The following RNF40 variants were observed in gnomAD, a reference collection of about 807,000 sequenced individuals.
RNF40 encodes E3 ubiquitin-protein ligase BRE1B.
A neutral mutation model predicts 123.3 loss-of-function variants in RNF40; 39 were observed. The ratio of observed to expected loss-of-function variants is 0.32; its 90% CI spans 0.24 to 0.41. RNF40 has a LOEUF of 0.41. Among genes scored for constraint, RNF40 ranks in the 10% least tolerant of loss-of-function variants. RNF40 has a pLI of 1.00. For synonymous variants in RNF40, 538 were observed against 526.0 expected (o/e 1.02, Z -0.31); for missense variants, 1,003 against 1,319.9 (o/e 0.76, Z 3.72).
rs754564697 is a variant in RNF40, at chr16:30,765,014, C to T, written c.726C>T (p.Asp242=). The change falls in exon 6 of 20, where the codon GAC becomes GAT. Residue 242 remains aspartate, a synonymous_variant. Transcript: ENST00000324685. ...ELGRENRRLQ[D]LATQLQEKHH... is the part of the protein sequence containing the mutation. ...GCCGTGAGAACCGGCGACTGCAGGA[C>T]TTGGCCACTCAGCTGCAGGAGAAAC... The T allele has an allele frequency of 1.9e-6, 3 of 1,613,986 alleles. No homozygotes were observed. The South Asian group carries it at 3.3e-5, about 18-fold the overall frequency.
At chr16:30,762,701 C>T in intron 2 of RNF40, 24 bp downstream of exon 2, 1 of 1,608,942 alleles carries the variant, frequency 6.2e-7, no homozygotes, top group Non-Finnish European at 8.5e-7. Context: ...TGCCTTAACC[C>T]TCAGAACTTC....
rs770060642 is a variant in RNF40 at position 30,764,287 on chromosome 16, G to A, written c.551G>A (p.Arg184Gln). 16 of 1,613,670 alleles carry A rather than the reference G, an allele frequency of 9.9e-6. No homozygotes were observed. Among genetic ancestry groups the A allele is most frequent in the East Asian group, 2.2e-5 (1 of 44,868 alleles). The change falls in exon 5 of 20, where the codon CGA becomes CAA. Residue 184 changes from arginine to glutamine, a missense_variant. Physicochemically the swap from Arg to Gln is conservative, Grantham distance 43. Coordinates refer to ENST00000324685, the MANE Select transcript of RNF40 (RefSeq NM_014771.4). Reference sequence around the variant, plus strand: ...GAGGTGGAGCTGGAGCTGCAAGGCCGAATGGAGTTCTCCAAGGCAGCTGTG... The same window carrying A: ...GAGGTGGAGCTGGAGCTGCAAGGCCAAATGGAGTTCTCCAAGGCAGCTGTG... ...SEEVELELQG[R>Q]MEFSKAAVSR...
At position 30,762,651 on chromosome 16, in the gene RNF40, A is replaced by G. The variant is rs747753244; in HGVS notation, c.106A>G (p.Ile36Val). 1.2e-6 allele frequency: 2 copies of G among 1,612,180 alleles called. No homozygotes were observed. Among genetic ancestry groups the G allele is most frequent in the Non-Finnish European group, 1.7e-6 (2 of 1,179,452 alleles). ...EKTTTTLIEP[I>V]RLGGISSTEE... is the part of the protein sequence containing the mutation. ...GACCACCACGACTCTTATCGAGCCC[A>G]TTCGTCTTGGAGGCATCTCTTCCAC... is the stretch of plus-strand genomic sequence containing the variant. Residue 36 changes from isoleucine (I) to valine (V), a missense_variant, in exon 2 of 20, where the codon ATT becomes GTT. Physicochemically the swap from Ile to Val is conservative, Grantham distance 29. Coordinates refer to ENST00000324685, the MANE Select transcript of RNF40 (RefSeq NM_014771.4).
chr16:30,771,163 T>C (rs925624468), intron 17 of RNF40, among the ~76,000 whole-genome samples: 3 of 152,078 alleles, frequency 2.0e-5, no homozygotes, highest in African/African-American at 7.2e-5. Flanking sequence ...CCAAATAAAA[T>C]AGTGCATGTC....
upstream of RNF40, chr16:30,762,287 G>C (rs2053859064): frequency 4.2e-6 from 2 of 475,926 alleles, no homozygotes; most frequent in Non-Finnish European, 7.4e-6. Context: ...TGGGGGGGGG[G>C]CAGTGGCGTC....
chr16:30,764,481 G>T (rs1057466383), intron 5 of RNF40, 96 bp downstream of exon 5: 11 of 1,092,358 alleles, frequency 1.0e-5, no homozygotes, highest in South Asian at 4.6e-5. Flanking sequence ...GTCCAAGGGC[G>T]GCCAGAATTT....
intron 2 of RNF40, 116 bp from the exon 3 acceptor site, chr16:30,763,002 G>C: frequency 1.7e-6 from 2 of 1,160,938 alleles, no homozygotes. Flanking sequence ...AGCGGTTAGT[G>C]TGGGAATACC....
chr16:30,773,798 C>G, intron 19 of RNF40, 140 bp from the exon 20 acceptor site: 6 of 828,938 alleles, frequency 7.2e-6, no homozygotes, highest in South Asian at 1.7e-5. Flanking sequence ...TCATAGAGTG[C>G]TCGTCCTTAC....
Position 30,774,931 on chromosome 16 carries a change from G to C in RNF40, c.*817G>C. On this transcript the variant is annotated 3_prime_UTR_variant, in exon 20 of 20. Transcript: ENST00000324685. ...CTACAGTGGAGGTGGAACTTCCCAGGAGGGGAAGGGACAGACCAGCCCCAG... is the reference window on the plus strand; with the variant it reads ...CTACAGTGGAGGTGGAACTTCCCAGCAGGGGAAGGGACAGACCAGCCCCAG... The C allele has an allele frequency of 4.4e-6, 2 of 456,404 alleles. No homozygotes were observed. The highest frequency in any genetic ancestry group is 3.1e-5 in the South Asian group (2 of 64,558). 28.3% of individuals were successfully genotyped at this position (456,404 alleles called of 1,614,324 possible).
At chr16:30,763,082 T>C (rs562447508) in intron 2 of RNF40, 36 bp from the exon 3 acceptor site, 2 of 1,611,352 alleles carry the variant, frequency 1.2e-6, no homozygotes, top group South Asian at 1.1e-5. Flanking sequence ...GGGCCCTGCT[T>C]GACGCTCTCG....
In RNF40 at chr16:30,769,605, G is replaced by A. The variant is rs747414599; in HGVS notation, c.2586+5G>A. ...CTGGAGCTCAACAAGCGGAAGGTGA[G>A]GCTGGGCCAGGGGGACACACAGCTT... On this transcript the variant is annotated splice_donor_5th_base_variant and intron_variant, in intron 17 of 19. Coordinates refer to ENST00000324685, the MANE Select transcript of RNF40 (RefSeq NM_014771.4). 23 of 1,555,492 alleles carry A rather than the reference G, an allele frequency of 1.5e-5. No individual in the cohort carries two copies. Among genetic ancestry groups the A allele is most frequent in the South Asian group, 1.1e-4 (9 of 83,030 alleles).
chr16:30,761,821 C>G, upstream of RNF40: 1 of 1,383,114 alleles, frequency 7.2e-7, no homozygotes, highest in South Asian at 1.4e-5. Flanking sequence ...AGCGCTCGGT[C>G]GGCGGCTACC....
Position 30,768,154 on chromosome 16 carries a change from C to T in RNF40, c.1603C>T (p.Pro535Ser). Residue 535 changes from proline (P) to serine (S), a missense_variant, in exon 13 of 20, where the codon CCA (proline) becomes TCA (serine). Physicochemically the swap from Pro to Ser is moderately conservative, Grantham distance 74 (BLOSUM62 -1). This residue lies in a region of RNF40 where 295 missense variants were observed against 331.7 expected (regional missense o/e 0.89). Coordinates refer to ENST00000324685, the MANE Select transcript of RNF40 (RefSeq NM_014771.4). This position sits in a 1 kb window ranked among gnomAD's most constrained non-coding sequence, Gnocchi z 4.1. ...SAHSTPNLGH[P>S]EDSGVSAPAP... ...CCACTCCACCCCCAACCTGGGCCAC[C>T]CAGAGGATTCTGGCGTCAGTGCCCC... The T allele has an allele frequency of 1.2e-6, 2 of 1,609,572 alleles. No homozygotes were observed. Among genetic ancestry groups the T allele is most frequent in the Non-Finnish European group, 8.5e-7 (1 of 1,177,688 alleles).
In RNF40 at chr16:30,774,144, A is replaced by G; in HGVS notation, c.*30A>G. 1 of 1,592,764 alleles carries G rather than the reference A, an allele frequency of 6.3e-7. No individual in the cohort carries two copies. Among genetic ancestry groups the G allele is most frequent in the South Asian group, 1.1e-5 (1 of 89,106 alleles). On this transcript the variant is annotated 3_prime_UTR_variant, in exon 20 of 20. Coordinates refer to ENST00000324685, the MANE Select transcript of RNF40 (RefSeq NM_014771.4). ...GAAACTCAGGGGACTCTGGAACACC[A>G]TGGACCCTGGGGGCTGTGCCCCCAT... is the stretch of plus-strand genomic sequence containing the variant.
chr16:30,762,056 C>A (rs2053841992), upstream of RNF40: 3 of 455,126 alleles, frequency 6.6e-6, no homozygotes, highest in South Asian at 9.6e-5. Flanking sequence ...TTCCAGGTTG[C>A]TAATACGAGG....
chr16:30,763,302 T>C lies in RNF40; in HGVS notation c.300+17T>C. On this transcript the variant is annotated intron_variant, in intron 3 of 19. Transcript: ENST00000324685. The stretch of plus-strand genomic sequence containing the variant: ...TGGGCCCAGGTGGATACCTTCTGCT[T>C]TCAAAGACCAGGCCTTGATTCAGCT... The C allele has an allele frequency of 6.2e-7, 1 of 1,613,390 alleles. No individual in the cohort carries two copies. The highest frequency in any genetic ancestry group is 8.5e-7 in the Non-Finnish European group (1 of 1,179,370).
chr16:30,766,996 T>C lies in RNF40; in HGVS notation c.1429+120T>C, dbSNP rs2054045656. The stretch of plus-strand genomic sequence containing the variant: ...CCTTTTTTTTCACAGAGCCTCGGCT[T>C]CCTATGCAAAACAGGGCCTGCACTG... On this transcript the variant is annotated intron_variant, in intron 11 of 19. Transcript: ENST00000324685. This position sits in a 1 kb window ranked among gnomAD's most constrained non-coding sequence, Gnocchi z 5.4. 7.6e-7 allele frequency: 1 copy of C among 1,315,084 alleles called. No individual in the cohort carries two copies. Among genetic ancestry groups the C allele is most frequent in the Non-Finnish European group, 1.0e-6 (1 of 976,166 alleles). 81.5% of individuals were successfully genotyped at this position (1,315,084 alleles called of 1,614,324 possible).
At chr16:30,764,480 C>A in intron 5 of RNF40, 95 bp downstream of exon 5, 1 of 1,108,572 alleles carries the variant, frequency 9.0e-7, no homozygotes, top group Non-Finnish European at 1.3e-6. Flanking sequence ...AGTCCAAGGG[C>A]GGCCAGAATT....
intron 3 of RNF40, 59 bp downstream of exon 3, chr16:30,763,344 C>G: frequency 6.2e-7 from 1 of 1,608,716 alleles, no homozygotes; most frequent in Non-Finnish European, 8.5e-7. Flanking sequence ...CCCCAGATTC[C>G]CCTGCTAGGA....
Sources: gnomAD v4.1 joint callset for allele counts (sites outside exome capture counted in the v4.1 genomes callset) on GRCh38, gnomAD v4.1.1 for gene constraint, gnomAD v4.1.1 regional missense constraint, Gnocchi (gnomAD v3.1) non-coding constraint, MANE v1.5 for transcripts, NCBI Gene and HGNC (gene_info 2026-07-23, HGNC 2026-07-21) for gene names.